The following KDM4C variants were observed in gnomAD, a reference collection of about 807,000 sequenced individuals.
KDM4C encodes lysine demethylase 4C, also known as lysine-specific demethylase 4C.
A neutral mutation model predicts 129.3 loss-of-function variants in KDM4C; 81 were observed. The observed-to-expected ratio is 0.63, with a 90% confidence interval of 0.52 to 0.75. The LOEUF (loss-of-function observed/expected upper bound fraction) is 0.75, where lower values mean the gene tolerates loss of function less well. Ranked by LOEUF, KDM4C falls within the 30% of genes least tolerant of loss-of-function variation. KDM4C has a pLI of 0.00. For synonymous variants in KDM4C, 573 were observed against 456.1 expected, an observed-to-expected ratio of 1.26 and a Z score of -3.26; for missense variants, 1,457 against 1,304.0, an observed-to-expected ratio of 1.12 and a Z score of -1.81.
chr9:6,826,227 C>G (rs977311501), intron 4 of KDM4C, among the ~76,000 whole-genome samples: 8 of 151,560 alleles, frequency 5.3e-5, no homozygotes, highest in African/African-American at 1.9e-4. Flanking sequence ...GGTTGGTGTC[C>G]TATTCTTTCC....
At chr9:6,951,672 A>G (rs1378399058) in intron 8 of KDM4C, among the ~76,000 whole-genome samples, 2 of 152,210 alleles carry the variant, frequency 1.3e-5, no homozygotes, top group African/African-American at 4.8e-5. Context: ...TACAGTTTAG[A>G]CATAACTTTG....
intron 8 of KDM4C, among the ~76,000 whole-genome samples, chr9:6,950,316 AT>A (rs1487282964): frequency 6.6e-6 from 1 of 152,148 alleles, no homozygotes; most frequent in Non-Finnish European, 1.5e-5. Flanking sequence ...GGCATTTTAA[AT>A]AATCATGGTA....
chr9:7,098,320 G>A (rs770837555), intron 17 of KDM4C, among the ~76,000 whole-genome samples: 6 of 152,070 alleles, frequency 3.9e-5, no homozygotes, highest in Non-Finnish European at 5.9e-5. Flanking sequence ...ACTTTTCTTA[G>A]CTTTCTCACC....
chr9:6,849,169 C>T (rs1004107719), intron 4 of KDM4C, among the ~76,000 whole-genome samples: 1 of 152,192 alleles, frequency 6.6e-6, no homozygotes, highest in Non-Finnish European at 1.5e-5. Flanking sequence ...AGGGAGAGCA[C>T]ATGCCGGATC....
At chr9:7,081,173 G>A (rs1035127728) in intron 17 of KDM4C, among the ~76,000 whole-genome samples, 1 of 152,170 alleles carries the variant, frequency 6.6e-6, no homozygotes, top group East Asian at 1.9e-4. Context: ...TTCACTTAAT[G>A]TTGTCAGTAA....
rs960961823 is a variant in KDM4C, at chr9:6,814,712, T to C, written c.402T>C (p.Tyr134=). The change falls in exon 4 of 22, where the codon TAT becomes TAC. Residue 134 remains tyrosine (Y), a synonymous_variant. Transcript: ENST00000381309. ...ACTTAACTTTTGTGGCACCTATCTA[T>C]GGTGCAGATATTAATGGGAGCATAT... The part of the protein sequence containing the change: ...WKNLTFVAPI[Y]GADINGSIYD... The C allele has an allele frequency of 1.2e-6, 2 of 1,609,156 alleles. No homozygotes were observed. The highest frequency in any genetic ancestry group is 1.7e-6 in the Non-Finnish European group (2 of 1,176,400).
chr9:7,112,832 G>A (rs148548640), intron 18 of KDM4C, among the ~76,000 whole-genome samples: 1 of 152,300 alleles, frequency 6.6e-6, no homozygotes, highest in Non-Finnish European at 1.5e-5. Flanking sequence ...TCTGAATGGT[G>A]TCATTTCCAC....
In KDM4C at chr9:7,115,588, C is replaced by G. The variant is rs142518496; in HGVS notation, c.2610+11718C>G. ...TTAGATGCCATAGCCGTAATGAAAA[C>G]CTTAGATACTGACAAAATGTAATGA... On this transcript the variant is annotated intron_variant, in intron 18 of 21. Transcript: ENST00000381309. 2.8e-3 allele frequency among the ~76,000 whole-genome samples: 432 copies of G among 152,262 alleles called. 3 individuals carry two copies. Among genetic ancestry groups the G allele is most frequent in the African/African-American group, 0.01 (423 of 41,546 alleles).
rs567924705 is a variant in KDM4C, at chr9:6,801,917, C to T, written c.145-3682C>T. ...GTCAGGAGTTCGAGACCAGCCTGGC[C>T]AACATAGTGAAACCCTGTCTCTACA... On this transcript the variant is annotated intron_variant, in intron 2 of 21. Transcript: ENST00000381309. Among the ~76,000 whole-genome samples, 8 of 151,916 alleles carry T rather than the reference C, an allele frequency of 5.3e-5. No individual in the cohort carries two copies. In the South Asian group the frequency reaches 1.7e-3, roughly 32 times the overall value.
chr9:6,890,657 T>G (rs1346843007), intron 7 of KDM4C, among the ~76,000 whole-genome samples: 2 of 151,996 alleles, frequency 1.3e-5, no homozygotes, highest in African/African-American at 4.8e-5. Flanking sequence ...TGGCATGAGC[T>G]GGATTTTCTA....
At position 6,793,329 on chromosome 9, in the gene KDM4C, G is replaced by A. The variant is rs140629434; in HGVS notation, c.144+197G>A. On this transcript the variant is annotated intron_variant, in intron 2 of 21. Transcript: ENST00000381309. ...CCTTCAAGTATAACTATTCATACTA[G>A]GTTGTCTTCTAAGGCTTAAAAAAAA... 1.9e-3 allele frequency among the ~76,000 whole-genome samples: 283 copies of A among 151,672 alleles called. 1 individual carries two copies. The highest frequency in any genetic ancestry group is 6.6e-3 in the African/African-American group (275 of 41,368).
chr9:6,939,389 G>A (rs117188469), intron 8 of KDM4C, among the ~76,000 whole-genome samples: 11,582 of 152,042 alleles, frequency 0.076, 807 homozygotes, highest in East Asian at 0.23. Context: ...GCTCAGGGCC[G>A]CCACTGATTC....
intron 19 of KDM4C, among the ~76,000 whole-genome samples, chr9:7,133,370 C>A (rs956041269): frequency 8.5e-5 from 13 of 152,158 alleles, no homozygotes; most frequent in African/African-American, 2.2e-4. Flanking sequence ...ATTTATCATT[C>A]CCACTTGCTA....
At chr9:7,001,192 C>G (rs976208091) in intron 12 of KDM4C, among the ~76,000 whole-genome samples, 3 of 152,074 alleles carry the variant, frequency 2.0e-5, no homozygotes, top group African/African-American at 4.8e-5. Context: ...GTCAAGTGAA[C>G]CTATAAATTC....
intron 8 of KDM4C, among the ~76,000 whole-genome samples, chr9:6,903,760 A>G (rs570915285): frequency 1.3e-5 from 2 of 152,352 alleles, no homozygotes; most frequent in Admixed American, 1.3e-4. Flanking sequence ...CATTGTTGAA[A>G]TTTGTAAAAA....
In KDM4C at chr9:7,009,562, A is replaced by G. The variant is rs536568152; in HGVS notation, c.1787-2136A>G. ...TACCTCTGTAAGTATGAGGTAGTCA[A>G]TATAATGATTCCTTTGGTGCCACTG... On this transcript the variant is annotated intron_variant, in intron 12 of 21. Transcript: ENST00000381309. 7.9e-5 allele frequency among the ~76,000 whole-genome samples: 12 copies of G among 152,306 alleles called. No individual in the cohort carries two copies. In the East Asian group the frequency reaches 1.9e-3, roughly 24 times the overall value.
At chr9:6,742,746 G>A (rs1214288265) in intron 1 of KDM4C, among the ~76,000 whole-genome samples, 3 of 151,352 alleles carry the variant, frequency 2.0e-5, no homozygotes, top group Non-Finnish European at 2.9e-5. Flanking sequence ...GGCGATCTAA[G>A]AATCGCTTGA....
intron 4 of KDM4C, among the ~76,000 whole-genome samples, chr9:6,832,134 C>T (rs62533755): frequency 0.41 from 62,003 of 151,574 alleles, 13,986 homozygotes; most frequent in East Asian, 0.6. Flanking sequence ...GTCAGGAGAT[C>T]GAGAGCATCC....
chr9:6,814,761 CA>C lies in KDM4C; in HGVS notation c.435+17del, dbSNP rs1224596591. 2.0e-6 allele frequency: 3 copies of C among 1,467,196 alleles called. No individual in the cohort carries two copies. 90.9% of individuals were successfully genotyped at this position (1,467,196 alleles called of 1,614,324 possible). ...ATATGATGAGGTACATTCATATTTA[CA>C]GTGAGTTTTGTAAAGATCATTGGAT... On this transcript the variant is annotated intron_variant, in intron 4 of 21. Transcript: ENST00000381309.
Sources: allele counts gnomAD v4.1 joint callset (sites outside exome capture counted in the v4.1 genomes callset), GRCh38; gene constraint gnomAD v4.1.1; transcripts MANE v1.5; gene names NCBI Gene and HGNC (gene_info 2026-07-23, HGNC 2026-07-21).